Variants in HS3ST5 observed in about 807,000 individuals in gnomAD.
HS3ST5 encodes heparan sulfate glucosamine 3-O-sulfotransferase 5.
Under a neutral mutation model 25.4 loss-of-function variants are expected in HS3ST5, and 10 were observed. The observed-to-expected ratio is 0.39, with a 90% CI of 0.24 to 0.67. The LOEUF is 0.67. Among genes scored for constraint, HS3ST5 ranks in the 30% least tolerant of loss-of-function variants. The pLI, the probability that HS3ST5 is intolerant of heterozygous loss-of-function variation, is 0.44. For synonymous variants in HS3ST5, 170 were observed against 162.4 expected, an observed-to-expected ratio of 1.05 and a Z score of -0.36; for missense variants, 324 against 420.7, an observed-to-expected ratio of 0.77 and a Z score of 2.01.
At chr6:114,189,718 T>G (rs961594816) in intron 2 of HS3ST5, among the ~76,000 whole-genome samples, 1 of 152,208 alleles carries the variant, frequency 6.6e-6, no homozygotes, top group Non-Finnish European at 1.5e-5. Flanking sequence ...GGCAGTATCT[T>G]ATCTCTTCAC....
chr6:114,273,184 G>T (rs1038745314), intron 1 of HS3ST5, among the ~76,000 whole-genome samples: 1 of 152,028 alleles, frequency 6.6e-6, no homozygotes, highest in Non-Finnish European at 1.5e-5. Flanking sequence ...GGAGAAGGGG[G>T]TAAGTGGTCA....
At chr6:114,306,290 T>C (rs941451093) in intron 1 of HS3ST5, among the ~76,000 whole-genome samples, 5 of 147,708 alleles carry the variant, frequency 3.4e-5, no homozygotes, top group African/African-American at 9.9e-5. Flanking sequence ...TATATATATA[T>C]ATAAAATATA....
intron 3 of HS3ST5, among the ~76,000 whole-genome samples, chr6:114,155,412 A>G (rs1778654931): frequency 6.6e-6 from 1 of 152,190 alleles, no homozygotes; most frequent in African/African-American, 2.4e-5. Context: ...AATGGATTCT[A>G]TTCAAAACTT....
chr6:114,134,305 G>A (rs1777488255), intron 3 of HS3ST5, among the ~76,000 whole-genome samples: 2 of 152,204 alleles, frequency 1.3e-5, no homozygotes, highest in Admixed American at 1.3e-4. Context: ...TGAAGAAAAT[G>A]AGGTCAGGGG....
chr6:114,239,677 T>C (rs1415158654), intron 1 of HS3ST5, among the ~76,000 whole-genome samples: 4 of 152,160 alleles, frequency 2.6e-5, no homozygotes, highest in Admixed American at 6.6e-5. Context: ...ATCTGGTCTA[T>C]GAGACACTGC....
rs757734874 is a variant in HS3ST5, at chr6:114,092,623, A to G, written c.-32-29746T>C. 1.5e-4 allele frequency among the ~76,000 whole-genome samples: 22 copies of G among 151,536 alleles called. 1 individual carries two copies. Among genetic ancestry groups the G allele is most frequent in the Admixed American group, 3.9e-4 (6 of 15,232 alleles). The stretch of plus-strand genomic sequence containing the variant: ...AAAATAAAATGATAAAAATCAACAT[A>G]TATGTTGTATACTTGCCAGATGTCA... On this transcript the variant is annotated intron_variant, in intron 3 of 4. Transcript: ENST00000312719.
At chr6:114,278,195 A>G (rs1773950508) in intron 1 of HS3ST5, among the ~76,000 whole-genome samples, 1 of 152,034 alleles carries the variant, frequency 6.6e-6, no homozygotes, top group Non-Finnish European at 1.5e-5. Context: ...CGATTTATAT[A>G]GCTCCATAAA....
At chr6:114,289,285 A>G (rs1774470039) in intron 1 of HS3ST5, among the ~76,000 whole-genome samples, 1 of 152,112 alleles carries the variant, frequency 6.6e-6, no homozygotes, top group Admixed American at 6.6e-5. Flanking sequence ...ACTATTTATA[A>G]ATTTTTCCTT....
rs575619978 is a variant in HS3ST5, at chr6:114,237,402, G to A, written c.-338-8624C>T. The stretch of plus-strand genomic sequence containing the variant: ...TGGCTTCTAATCTAGGCTCTACTAT[G>A]GCCTGAGATAAGTTATTTCTTCCTC... On this transcript the variant is annotated intron_variant, in intron 1 of 4. Coordinates refer to ENST00000312719, the MANE Select transcript of HS3ST5 (RefSeq NM_153612.4). 4.0e-5 allele frequency among the ~76,000 whole-genome samples: 6 copies of A among 151,118 alleles called. No individual in the cohort carries two copies. In the East Asian group the frequency reaches 1.2e-3, roughly 29 times the overall value.
At chr6:114,082,352 A>G (rs1015992086) in intron 3 of HS3ST5, among the ~76,000 whole-genome samples, 22 of 152,322 alleles carry the variant, frequency 1.4e-4, no homozygotes, top group African/African-American at 5.3e-4. Flanking sequence ...TTTTCTCCTC[A>G]AAAAATTAAT....
At chr6:114,176,469 C>G (rs1020761823) in intron 2 of HS3ST5, among the ~76,000 whole-genome samples, 2 of 152,066 alleles carry the variant, frequency 1.3e-5, no homozygotes, top group Non-Finnish European at 2.9e-5. Flanking sequence ...TTGGCAGAAA[C>G]CTATAGTTTT....
chr6:114,155,077 G>T (rs1381018641), intron 3 of HS3ST5, among the ~76,000 whole-genome samples: 1 of 152,176 alleles, frequency 6.6e-6, no homozygotes, highest in African/African-American at 2.4e-5. Flanking sequence ...CCTTAGAGTA[G>T]GAGGTGCTTG....
chr6:114,220,879 C>G (rs1582730409), intron 2 of HS3ST5: 1 of 151,742 alleles, frequency 6.6e-6, no homozygotes, highest in East Asian at 1.9e-4. Context: ...TAGGCACACT[C>G]AATAATTAGA....
rs1487046288 is a variant in HS3ST5 at position 114,342,663 on chromosome 6, C to A, written c.-807G>T. The A allele has an allele frequency of 6.6e-6, 1 of 152,658 alleles. No homozygotes were observed. Among genetic ancestry groups the A allele is most frequent in the Non-Finnish European group, 1.5e-5 (1 of 68,456 alleles). The allele number at this position is 152,658 out of a possible 1,614,324, so 9.5% of individuals were successfully genotyped here. ...GGGGGAGGTGCGCATCCTCCTTGCC[C>A]CACGAGGGCACCGGCGCAGCCCCGG... On this transcript the variant is annotated 5_prime_UTR_variant, in exon 1 of 5. Coordinates refer to ENST00000312719, the MANE Select transcript of HS3ST5 (RefSeq NM_153612.4).
intron 3 of HS3ST5, among the ~76,000 whole-genome samples, chr6:114,089,340 C>G (rs1775005484): frequency 1.3e-5 from 2 of 152,132 alleles, no homozygotes; most frequent in South Asian, 4.1e-4. Context: ...TGACCCTCTC[C>G]AAGTTGGTCA....
At chr6:114,063,082 T>G (rs767252916) in intron 3 of HS3ST5, among the ~76,000 whole-genome samples, 1 of 152,188 alleles carries the variant, frequency 6.6e-6, no homozygotes, top group Non-Finnish European at 1.5e-5. Context: ...AAATACTAAC[T>G]CAATGGGGAA....
intron 1 of HS3ST5, among the ~76,000 whole-genome samples, chr6:114,331,215 C>T (rs762648044): frequency 6.6e-6 from 1 of 152,144 alleles, no homozygotes; most frequent in Non-Finnish European, 1.5e-5. Context: ...TATTGGTAAT[C>T]AGAAAGCTAC....
intron 3 of HS3ST5, among the ~76,000 whole-genome samples, chr6:114,166,393 T>A (rs768494270): frequency 2.0e-5 from 3 of 152,224 alleles, no homozygotes; most frequent in Non-Finnish European, 4.4e-5. Context: ...CAAGACTTAA[T>A]GATTTTCTAG....
At chr6:114,187,853 C>A (rs573204006) in intron 2 of HS3ST5, among the ~76,000 whole-genome samples, 1 of 152,134 alleles carries the variant, frequency 6.6e-6, no homozygotes, top group Non-Finnish European at 1.5e-5. Flanking sequence ...CAACCTTCAG[C>A]GACCACAGAC....
Sources: gnomAD v4.1 joint callset for allele counts (sites outside exome capture counted in the v4.1 genomes callset) on GRCh38, gnomAD v4.1.1 for gene constraint, MANE v1.5 for transcripts, NCBI Gene and HGNC (gene_info 2026-07-23, HGNC 2026-07-21) for gene names.